The following SHKBP1 variants were observed in gnomAD, a reference collection of about 807,000 sequenced individuals.
SHKBP1 encodes SH3KBP1 binding protein 1, also known as SH3KBP1-binding protein 1.
Under a neutral mutation model 83.9 loss-of-function variants are expected in SHKBP1, and 71 were observed. The observed-to-expected ratio is 0.85, with a 90% confidence interval of 0.70 to 1.03. The LOEUF (loss-of-function observed/expected upper bound fraction) is 1.03. Among genes scored for constraint, SHKBP1 ranks in the 50% least tolerant of loss-of-function variants. The probability of loss-of-function intolerance (pLI) is 0.00; values close to 1 mark genes in which losing one functional copy is unlikely to be tolerated. For missense variants in SHKBP1, 824 were observed against 982.4 expected (o/e 0.84, Z 2.16); for synonymous variants, 371 against 398.0 (o/e 0.93, Z 0.81).
intron 12 of SHKBP1, 172 bp from the exon 13 acceptor site, chr19:40,586,602 A>G (rs2081313996): frequency 3.7e-6 from 2 of 538,620 alleles, no homozygotes; most frequent in Non-Finnish European, 5.8e-6. Context: ...CCTGACCTCA[A>G]GCGATCCACC....
Position 40,588,780 on chromosome 19 carries a change from G to T in SHKBP1, c.1492+1G>T. 2.5e-6 allele frequency: 4 copies of T among 1,612,706 alleles called. No individual in the cohort carries two copies. The highest frequency in any genetic ancestry group is 3.4e-6 in the Non-Finnish European group (4 of 1,179,994). ...GGCTGCAGTGCTGGCAATGACATTG[G>T]TGCCTACTGGCTCCTGGCCTTCCCA... is the stretch of plus-strand genomic sequence containing the variant. On this transcript the variant is annotated splice_donor_variant, in intron 14 of 17. Transcript: ENST00000291842. LOFTEE classifies it high-confidence loss of function.
rs750222186 is a variant in SHKBP1, at chr19:40,580,613, A to G, written c.610A>G (p.Asn204Asp). Residue 204 changes from asparagine to aspartate, a missense_variant, in exon 8 of 18, where the codon AAT becomes GAT. Physicochemically the swap from Asn to Asp is conservative, Grantham distance 23 (BLOSUM62 1). Around this residue, in one of 3 missense-constraint regions of SHKBP1, gnomAD observed 355 missense variants for 386.4 expected, o/e 0.92. Coordinates refer to ENST00000291842, the MANE Select transcript of SHKBP1 (RefSeq NM_138392.4). Reference protein sequence around the residue: ...GMVRLVCGHHNWIAVAYTQFL... With the variant: ...GMVRLVCGHHDWIAVAYTQFL... ...GGTGCGCCTGGTGTGTGGACACCAT[A>G]ATTGGATCGCTGTGGCCTATACCCA... 1.2e-6 allele frequency: 2 copies of G among 1,613,962 alleles called. No homozygotes were observed. The highest frequency in any genetic ancestry group is 4.5e-5 in the East Asian group (2 of 44,896).
In SHKBP1 at chr19:40,580,593, G is replaced by A. The variant is rs201436190; in HGVS notation, c.590G>A (p.Arg197His). The A allele has an allele frequency of 9.5e-5, 154 of 1,614,146 alleles. 1 individual carries two copies. The East Asian group carries it at 3.1e-3, about 32-fold the overall frequency. ...CAACCTGAGGAGCCGGGGATGGTGCGCCTGGTGTGTGGACACCATAATTGG... is the reference window on the plus strand; with the variant it reads ...CAACCTGAGGAGCCGGGGATGGTGCACCTGGTGTGTGGACACCATAATTGG... Reference protein sequence around the residue: ...SGQPEEPGMVRLVCGHHNWIA... With the variant: ...SGQPEEPGMVHLVCGHHNWIA... Residue 197 changes from arginine (R) to histidine (H), a missense_variant, in exon 8 of 18, where the codon CGC becomes CAC. Arg to His is a conservative substitution (Grantham distance 29). Coordinates refer to ENST00000291842, the MANE Select transcript of SHKBP1 (RefSeq NM_138392.4).
At chr19:40,588,594 C>G (rs574111897) in intron 13 of SHKBP1, 30 bp from the exon 14 acceptor site, 3 of 1,613,574 alleles carry the variant, frequency 1.9e-6, no homozygotes, top group East Asian at 2.2e-5. Context: ...TGCACCAGGC[C>G]TGACTTCCTG....
chr19:40,580,290 A>G (rs1015746858), intron 6 of SHKBP1, 34 bp from the exon 7 acceptor site: 3 of 1,585,512 alleles, frequency 1.9e-6, no homozygotes, highest in African/African-American at 2.7e-5. Context: ...CACGATTACA[A>G]TGACTGTTAC....
In SHKBP1 at chr19:40,588,771, A is replaced by G. The variant is rs2081332260; in HGVS notation, c.1484A>G (p.Asn495Ser). The G allele has an allele frequency of 1.2e-6, 2 of 1,613,184 alleles. No homozygotes were observed. Among genetic ancestry groups the G allele is most frequent in the Non-Finnish European group, 1.7e-6 (2 of 1,180,016 alleles). The change falls in exon 14 of 18, where the codon AAT becomes AGT. Residue 495 changes from asparagine (N) to serine (S), a missense_variant. By Grantham distance (46) the Asn-to-Ser change is conservative. Coordinates refer to ENST00000291842, the MANE Select transcript of SHKBP1 (RefSeq NM_138392.4). ...GGGCATGGCGGCTGCAGTGCTGGCAATGACATTGGTGCCTACTGGCTCCTG... is the reference window on the plus strand; with the variant it reads ...GGGCATGGCGGCTGCAGTGCTGGCAGTGACATTGGTGCCTACTGGCTCCTG... Reference protein sequence around the residue: ...ADGHGGCSAGNDIGPYGERDD... With the variant: ...ADGHGGCSAGSDIGPYGERDD...
chr19:40,583,679 G>C lies in SHKBP1; in HGVS notation c.1127G>C (p.Gly376Ala), dbSNP rs1430326596. ...CTCTATCGGGACCCAGCGGAGGATG[G>C]GGTCACCGCCCTCAGTGTCTACCTC... Reference protein sequence around the residue: ...SELYRDPAEDGVTALSVYLTP... With the variant: ...SELYRDPAEDAVTALSVYLTP... Residue 376 changes from glycine (G) to alanine (A), a missense_variant, in exon 12 of 18, where the codon GGG (glycine) becomes GCG (alanine). Gly to Ala is a moderately conservative substitution (Grantham distance 60). Transcript: ENST00000291842. 1 of 1,613,966 alleles carries C rather than the reference G, an allele frequency of 6.2e-7. No homozygotes were observed. The highest frequency in any genetic ancestry group is 8.5e-7 in the Non-Finnish European group (1 of 1,179,970).
Position 40,583,455 on chromosome 19 carries a change from G to A in SHKBP1, c.1018G>A (p.Gly340Ser). ...YDAAGSFLLL[G>S]CNNGSIYYVD... ...CGCGGCAGGCTCCTTCCTCCTCCTG[G>A]GCTGCAACAACGGCTCCATTTACTA... is the stretch of plus-strand genomic sequence containing the variant. The change falls in exon 11 of 18, where the codon GGC becomes AGC. Residue 340 changes from glycine to serine, a missense_variant. Physicochemically the swap from Gly to Ser is moderately conservative, Grantham distance 56. Transcript: ENST00000291842. The A allele has an allele frequency of 6.2e-7, 1 of 1,609,290 alleles. No individual in the cohort carries two copies. Among genetic ancestry groups the A allele is most frequent in the South Asian group, 1.1e-5 (1 of 90,428 alleles).
At chr19:40,577,992 CTCA>C in intron 4 of SHKBP1, 159 bp from the exon 5 acceptor site, 6 of 667,796 alleles carry the variant, frequency 9.0e-6, no homozygotes, top group South Asian at 3.3e-5. Flanking sequence ...CACACACACA[CTCA>C]ACATTTCCTC....
chr19:40,586,353 CTCTTTCTT>C (rs559044275), intron 12 of SHKBP1, among the ~76,000 whole-genome samples: 1 of 150,964 alleles, frequency 6.6e-6, no homozygotes, highest in Non-Finnish European at 1.5e-5. Context: ...TGTTCTGTGT[CTCTTTCTT>C]TCTTTCTTTC....
chr19:40,580,505 A>G lies in SHKBP1; in HGVS notation c.562+20A>G. ...CCTCAGGTACGTTTCTATCTCGTGG[A>G]AGGTTGGGGCAGCTGTGGGGTCCCT... is the stretch of plus-strand genomic sequence containing the variant. On this transcript the variant is annotated intron_variant, in intron 7 of 17. Transcript: ENST00000291842. 22 of 1,613,566 alleles carry G rather than the reference A, an allele frequency of 1.4e-5. No individual in the cohort carries two copies. Among genetic ancestry groups the G allele is most frequent in the Non-Finnish European group, 1.8e-5 (21 of 1,179,684 alleles).
At chr19:40,585,190 T>C in intron 12 of SHKBP1, among the ~76,000 whole-genome samples, 1 of 152,190 alleles carries the variant, frequency 6.6e-6, no homozygotes, top group African/African-American at 2.4e-5. Flanking sequence ...CTCTGCCACC[T>C]CCGCCACTCG....
At chr19:40,578,966 A>T (rs1386258021) in intron 6 of SHKBP1, among the ~76,000 whole-genome samples, 1 of 152,184 alleles carries the variant, frequency 6.6e-6, no homozygotes, top group African/African-American at 2.4e-5. Flanking sequence ...GTAACAGAGT[A>T]GGGAAATTTC....
chr19:40,589,099 G>A lies in SHKBP1; in HGVS notation c.1510G>A (p.Asp504Asn). The change falls in exon 15 of 18, where the codon GAC becomes AAC. Residue 504 changes from aspartate (D) to asparagine (N), a missense_variant. Around this residue, in one of 3 missense-constraint regions of SHKBP1, gnomAD observed 287 missense variants for 322.9 expected, o/e 0.89. Coordinates refer to ENST00000291842, the MANE Select transcript of SHKBP1 (RefSeq NM_138392.4). ...TGGCCCAGGCCCCTACGGTGAGCGG[G>A]ACGACCAGCAAGTGTTCATCCAGAA... ...GNDIGPYGER[D>N]DQQVFIQKVV... 1 of 1,613,002 alleles carries A rather than the reference G, an allele frequency of 6.2e-7. No homozygotes were observed. The highest frequency in any genetic ancestry group is 8.5e-7 in the Non-Finnish European group (1 of 1,180,026).
chr19:40,586,817 AG>A lies in SHKBP1; in HGVS notation c.1214del (p.Gly405AlafsTer54). The A allele has an allele frequency of 6.2e-7, 1 of 1,609,466 alleles. No individual in the cohort carries two copies. The highest frequency in any genetic ancestry group is 8.5e-7 in the Non-Finnish European group (1 of 1,177,056). On this transcript the variant is annotated frameshift_variant, in exon 13 of 18. Coordinates refer to ENST00000291842, the MANE Select transcript of SHKBP1 (RefSeq NM_138392.4). LOFTEE classifies it high-confidence loss of function. ...TCGAGATCGCCTATGGCACCAGCTC[AG>A]GGGGCGTGCGGGTCATCGTGCAGCA... ...WIEIAYGTSS[G>X]GVRVIVQHPE...
intron 10 of SHKBP1, 197 bp downstream of exon 10, chr19:40,582,663 G>A (rs1211891154): frequency 5.2e-6 from 3 of 579,172 alleles, no homozygotes; most frequent in East Asian, 5.8e-5. Context: ...AGGAGGTGCT[G>A]CAGAGCCCAC....
At chr19:40,580,536 C>T in intron 7 of SHKBP1, 30 bp from the exon 8 acceptor site, 1 of 1,614,044 alleles carries the variant, frequency 6.2e-7, no homozygotes, top group Non-Finnish European at 8.5e-7. Context: ...TCCCTGTGAC[C>T]CTCTTCTGAT....
intron 9 of SHKBP1, among the ~76,000 whole-genome samples, chr19:40,582,143 A>G (rs2081275037): frequency 6.6e-6 from 1 of 151,956 alleles, no homozygotes; most frequent in Non-Finnish European, 1.5e-5. Flanking sequence ...GCTGGTCTCA[A>G]ACTCCTGGCC....
intron 5 of SHKBP1, 110 bp from the exon 6 acceptor site, chr19:40,578,352 A>G (rs1229483571): frequency 6.8e-7 from 1 of 1,475,888 alleles, no homozygotes; most frequent in African/African-American, 1.4e-5. Flanking sequence ...CCGGGTCTGT[A>G]TTCGTACTGG....
Sources: gnomAD v4.1 joint callset for allele counts (sites outside exome capture counted in the v4.1 genomes callset) on GRCh38, gnomAD v4.1.1 for gene constraint, gnomAD v4.1.1 regional missense constraint, MANE v1.5 for transcripts, NCBI Gene and HGNC (gene_info 2026-07-23, HGNC 2026-07-21) for gene names.